PPFIBP2: variants seen among roughly 807,000 people sequenced by gnomAD.
The protein encoded by PPFIBP2 is liprin-beta-2.
PPFIBP2 carries 118 observed loss-of-function variants against 118.3 expected under a neutral mutation model. That is an observed-to-expected ratio of 1.00 (90% CI 0.86 to 1.16). The LOEUF is 1.16. PPFIBP2 is among the 50% of genes most tolerant of loss of function. PPFIBP2 has a pLI of 0.00. For synonymous variants in PPFIBP2, 414 were observed against 397.4 expected (o/e 1.04, Z -0.50); for missense variants, 1,195 against 1,073.1 (o/e 1.11, Z -1.59).
intron 1 of PPFIBP2, among the ~76,000 whole-genome samples, chr11:7,546,820 T>C (rs1161000870): frequency 2.0e-5 from 3 of 152,214 alleles, no homozygotes; most frequent in African/African-American, 7.2e-5. Flanking sequence ...TCTATCATCC[T>C]TCAAGACCCA....
At chr11:7,553,070 T>TG (rs1853174249) in intron 2 of PPFIBP2, among the ~76,000 whole-genome samples, 1 of 152,164 alleles carries the variant, frequency 6.6e-6, no homozygotes, top group Non-Finnish European at 1.5e-5. Flanking sequence ...ATGTTTTTTT[T>TG]TCATTTGCTT....
intron 3 of PPFIBP2, among the ~76,000 whole-genome samples, chr11:7,583,244 C>A (rs1352816488): frequency 6.6e-6 from 1 of 152,166 alleles, no homozygotes; most frequent in Non-Finnish European, 1.5e-5. Context: ...ATTTGGAAAT[C>A]TTGTAGGATT....
intron 3 of PPFIBP2, chr11:7,577,468 G>T: frequency 2.3e-6 from 1 of 428,896 alleles, no homozygotes; most frequent in Non-Finnish European, 4.7e-6. Context: ...GGGGAAATTT[G>T]AACACAGCTT....
chr11:7,625,744 T>A, intron 7 of PPFIBP2, 33 bp from the exon 8 acceptor site: 1 of 1,586,840 alleles, frequency 6.3e-7, no homozygotes, highest in Non-Finnish European at 8.7e-7. Context: ...GCAGTCCTTC[T>A]GACCTGGTAG....
intron 12 of PPFIBP2, 43 bp from the exon 13 acceptor site, chr11:7,634,452 A>C: frequency 4.0e-4 from 509 of 1,260,162 alleles, no homozygotes; most frequent in Non-Finnish European, 5.4e-4. Context: ...GATAACATGT[A>C]CCTCCTTCTC....
intron 3 of PPFIBP2, chr11:7,576,740 C>A (rs964238647): frequency 6.6e-6 from 1 of 152,478 alleles, no homozygotes; most frequent in Non-Finnish European, 1.5e-5. Flanking sequence ...GGGCCAGACT[C>A]CCCTGAGTTT....
chr11:7,635,107 C>G (rs1040712625), intron 13 of PPFIBP2, among the ~76,000 whole-genome samples: 1 of 152,122 alleles, frequency 6.6e-6, no homozygotes, highest in South Asian at 2.1e-4. Flanking sequence ...GGGTGGACCT[C>G]ATGCTGCAGG....
chr11:7,629,346 G>A (rs1172056039), intron 9 of PPFIBP2, 113 bp from the exon 10 acceptor site: 1 of 1,036,486 alleles, frequency 9.6e-7, no homozygotes, highest in Non-Finnish European at 1.5e-6. Context: ...TTTTCCTTTG[G>A]TTCCACGTGG....
intron 21 of PPFIBP2, among the ~76,000 whole-genome samples, chr11:7,650,173 T>G (rs1853766752): frequency 1.3e-5 from 2 of 152,076 alleles, no homozygotes; most frequent in Admixed American, 1.3e-4. Flanking sequence ...AATAACTGAT[T>G]ATGTTCCATG....
chr11:7,640,474 C>A (rs1210253295), intron 15 of PPFIBP2, among the ~76,000 whole-genome samples: 1 of 152,222 alleles, frequency 6.6e-6, no homozygotes, highest in African/African-American at 2.4e-5. Context: ...TCTTTCCCCA[C>A]CAGCAGCAAA....
rs768725157 is a variant in PPFIBP2 at position 7,597,621 on chromosome 11, G to A, written c.434G>A (p.Cys145Tyr). The A allele has an allele frequency of 2.5e-6, 4 of 1,614,002 alleles. No individual in the cohort carries two copies. Among genetic ancestry groups the A allele is most frequent in the African/African-American group, 1.3e-5 (1 of 74,906 alleles). Reference protein sequence around the residue: ...QGEKIRDLEVCLEGHQVKLNA... With the variant: ...QGEKIRDLEVYLEGHQVKLNA... ...GAAAAGATTCGAGACCTGGAAGTGTGTCTGGAAGGACACCAGGTGAAACTC... is the reference window on the plus strand; with the variant it reads ...GAAAAGATTCGAGACCTGGAAGTGTATCTGGAAGGACACCAGGTGAAACTC... Residue 145 changes from cysteine to tyrosine, a missense_variant, in exon 5 of 24, where the codon TGT (cysteine) becomes TAT (tyrosine). Coordinates refer to ENST00000299492, the MANE Select transcript of PPFIBP2 (RefSeq NM_003621.5).
intron 2 of PPFIBP2, among the ~76,000 whole-genome samples, chr11:7,556,249 A>T (rs1259539561): frequency 3.3e-5 from 5 of 152,100 alleles, no homozygotes; most frequent in Non-Finnish European, 7.4e-5. Flanking sequence ...AGGTCAGGAG[A>T]TTGAGACCAT....
At chr11:7,622,484 T>C (rs917752049) in intron 7 of PPFIBP2, among the ~76,000 whole-genome samples, 2 of 152,270 alleles carry the variant, frequency 1.3e-5, no homozygotes, top group Non-Finnish European at 2.9e-5. Context: ...TGCAATTTTA[T>C]AACATGCTGT....
intron 3 of PPFIBP2, chr11:7,577,345 G>GTGTGCGTGTGTGTGTGTA: frequency 3.0e-6 from 1 of 333,796 alleles, no homozygotes; most frequent in South Asian, 2.3e-5. Flanking sequence ...GTGTGTGTGT[G>GTGTGCGTGTGTGTGTGTA]TGTGTGTTTG....
intron 1 of PPFIBP2, among the ~76,000 whole-genome samples, chr11:7,520,492 T>C (rs4078281): frequency 0.46 from 70,245 of 151,712 alleles, 16,599 homozygotes; most frequent in African/African-American, 0.5. Context: ...AGTGGTTTTT[T>C]ACTTGGCCAT....
At chr11:7,559,346 C>T (rs1393821742) in intron 2 of PPFIBP2, among the ~76,000 whole-genome samples, 1 of 152,024 alleles carries the variant, frequency 6.6e-6, no homozygotes, top group African/African-American at 2.4e-5. Context: ...TGATTTGTTT[C>T]CCACTGTGGT....
chr11:7,651,229 T>C, intron 22 of PPFIBP2: 1 of 366,690 alleles, frequency 2.7e-6, no homozygotes, highest in South Asian at 5.0e-5. Context: ...AGACCAACGC[T>C]TACAAGGCGA....
downstream of PPFIBP2, among the ~76,000 whole-genome samples, chr11:7,660,826 C>A (rs1441426519): frequency 6.6e-6 from 1 of 151,538 alleles, no homozygotes; most frequent in East Asian, 1.9e-4. Flanking sequence ...AATTTCAGAT[C>A]CTGTTATTGG....
At chr11:7,558,995 C>T (rs1853982882) in intron 2 of PPFIBP2, among the ~76,000 whole-genome samples, 1 of 152,016 alleles carries the variant, frequency 6.6e-6, no homozygotes, top group South Asian at 2.1e-4. Context: ...TTTTTATTAC[C>T]CCAGGTCACA....
Sources: gnomAD v4.1 joint callset for allele counts (sites outside exome capture counted in the v4.1 genomes callset) on GRCh38, gnomAD v4.1.1 for gene constraint, MANE v1.5 for transcripts, NCBI Gene and HGNC (gene_info 2026-07-23, HGNC 2026-07-21) for gene names.